ZNF532: variants seen among roughly 807,000 people sequenced by gnomAD.
The protein encoded by ZNF532 is zinc finger protein 532.
In ZNF532, 22 loss-of-function variants were observed where a neutral mutation model predicts 89.3. The ratio of observed to expected loss-of-function variants is 0.25; its 90% CI spans 0.18 to 0.35. The LOEUF (loss-of-function observed/expected upper bound fraction) is 0.35, where lower values mean the gene tolerates loss of function less well. Ranked by LOEUF, ZNF532 falls within the 10% of genes least tolerant of loss-of-function variation. ZNF532 has a pLI of 1.00. For missense variants in ZNF532, 1,132 were observed against 1,643.4 expected (o/e 0.69, Z 5.38); for synonymous variants, 606 against 649.6 (o/e 0.93, Z 1.02).
chr18:58,946,557 G>A (rs140762707), intron 5 of ZNF532, among the ~76,000 whole-genome samples: 1 of 152,242 alleles, frequency 6.6e-6, no homozygotes, highest in African/African-American at 2.4e-5. Flanking sequence ...ACAGGCATGA[G>A]CCACCATGCT....
intron 2 of ZNF532, among the ~76,000 whole-genome samples, chr18:58,867,647 A>C (rs1039680609): frequency 1.3e-5 from 2 of 152,212 alleles, no homozygotes; most frequent in Non-Finnish European, 2.9e-5. Flanking sequence ...CCTGGTCGGC[A>C]GTGCCTGTAG....
Position 58,919,623 on chromosome 18 carries a change from A to T in ZNF532, c.1336A>T (p.Lys446Ter). Residue 446 changes from lysine to a stop codon, truncating the protein, a stop_gained, in exon 3 of 10, where the codon AAG becomes TAG. Coordinates refer to ENST00000591808, the MANE Select transcript of ZNF532 (RefSeq NM_001375912.1). LOFTEE classifies it high-confidence loss of function. This position sits in a 1 kb window ranked among gnomAD's most constrained non-coding sequence, Gnocchi z 6.1. Reference sequence around the variant, plus strand: ...GCTCACCCCCAAACAGGTCACAATCAAGCCTGTGGCTACTGCTTTCCTCCC... The same window carrying T: ...GCTCACCCCCAAACAGGTCACAATCTAGCCTGTGGCTACTGCTTTCCTCCC... Reference protein sequence around the residue: ...AELTPKQVTIKPVATAFLPVS... With the variant: ...AELTPKQVTI The T allele has an allele frequency of 1.2e-6, 2 of 1,614,132 alleles. No homozygotes were observed. Among genetic ancestry groups the T allele is most frequent in the Non-Finnish European group, 1.7e-6 (2 of 1,180,036 alleles).
At chr18:58,888,711 A>AT (rs1395517471) in intron 2 of ZNF532, among the ~76,000 whole-genome samples, 331 of 12,750 alleles carry the variant, frequency 0.026, 33 homozygotes, top group Middle Eastern at 0.05. Flanking sequence ...ATATATATAT[A>AT]TATATATATA....
chr18:58,939,689 C>A, intron 5 of ZNF532, 68 bp downstream of exon 5: 9 of 1,439,890 alleles, frequency 6.3e-6, no homozygotes, highest in Non-Finnish European at 8.5e-6. Context: ...AGGTAGTAGT[C>A]GTTCTATTGA....
intron 7 of ZNF532, among the ~76,000 whole-genome samples, chr18:58,976,855 G>C (rs2067115877): frequency 1.3e-5 from 2 of 152,298 alleles, no homozygotes; most frequent in African/African-American, 4.8e-5. Flanking sequence ...AAAAGCATTA[G>C]ATACTAGATT....
intron 2 of ZNF532, among the ~76,000 whole-genome samples, chr18:58,868,440 C>T (rs749204103): frequency 1.8e-4 from 27 of 152,144 alleles, no homozygotes; most frequent in Non-Finnish European, 3.7e-4. Context: ...CAGAACAGGC[C>T]CATCACACCA....
chr18:58,940,900 AG>A (rs2062929470), intron 5 of ZNF532, among the ~76,000 whole-genome samples: 1 of 135,972 alleles, frequency 7.4e-6, no homozygotes, highest in South Asian at 2.3e-4. Context: ...ATTAGGGGGA[AG>A]ATACACAGCT....
intron 2 of ZNF532, among the ~76,000 whole-genome samples, chr18:58,880,763 C>CTGTGTGTGTGTGTATGTGTGTGTGTGT (rs770638520): frequency 8.4e-6 from 1 of 119,624 alleles, no homozygotes; most frequent in Non-Finnish European, 1.6e-5. Flanking sequence ...CGCGCGCGCA[C>CTGTGTGTGTGTGTATGTGTGTGTGTGT]GCGCGCGCGT....
chr18:58,873,642 C>T (rs1298510143), intron 2 of ZNF532, among the ~76,000 whole-genome samples: 4 of 151,942 alleles, frequency 2.6e-5, no homozygotes, highest in African/African-American at 4.8e-5. Context: ...TTAGTAGAGA[C>T]GGGGTAACAC....
At chr18:58,870,072 GTTTT>G (rs764095848) in intron 2 of ZNF532, among the ~76,000 whole-genome samples, 299 of 112,758 alleles carry the variant, frequency 2.7e-3, no homozygotes, top group Middle Eastern at 0.01. Flanking sequence ...AGCCCAGGTT[GTTTT>G]TTTTTTTTTT....
intron 5 of ZNF532, among the ~76,000 whole-genome samples, chr18:58,942,880 T>C (rs2063321200): frequency 6.6e-6 from 1 of 152,366 alleles, no homozygotes; most frequent in East Asian, 1.9e-4. Flanking sequence ...TGCATTACTT[T>C]TTTAAATGAT....
intron 2 of ZNF532, among the ~76,000 whole-genome samples, chr18:58,890,539 G>A (rs990454799): frequency 6.7e-6 from 1 of 149,686 alleles, no homozygotes; most frequent in Non-Finnish European, 1.5e-5. Flanking sequence ...CAATGACCCC[G>A]CATTGCTCTG....
At chr18:58,898,656 G>A (rs2059400651) in intron 2 of ZNF532, among the ~76,000 whole-genome samples, 1 of 152,108 alleles carries the variant, frequency 6.6e-6, no homozygotes, top group South Asian at 2.1e-4. Context: ...GGCAGCTCAA[G>A]CTTCCCAGGA....
chr18:58,981,748 C>G, intron 9 of ZNF532, 131 bp downstream of exon 9: 1 of 1,199,096 alleles, frequency 8.3e-7, no homozygotes, highest in Admixed American at 2.2e-5. Context: ...TGCGGTGGCT[C>G]ATGCCCACCA....
Position 58,883,322 on chromosome 18 carries a change from CTG to C in ZNF532, c.-18+17747_-18+17748del, listed in dbSNP as rs2058060296. On this transcript the variant is annotated intron_variant, in intron 2 of 9. Coordinates refer to ENST00000591808, the MANE Select transcript of ZNF532 (RefSeq NM_001375912.1). Reference sequence around the variant, plus strand: ...CAGACATATTTTTTAGATAAAAGGACTGTGTTTCAGAATTCCAAAAGTGTTTT... The same window carrying C: ...CAGACATATTTTTTAGATAAAAGGACTGTTTCAGAATTCCAAAAGTGTTTT... Among the ~76,000 whole-genome samples the C allele has an allele frequency of 4.6e-5, 7 of 152,172 alleles. No individual in the cohort carries two copies. In the South Asian group the frequency reaches 1.5e-3, roughly 32 times the overall value.
At chr18:58,981,441 G>A (rs921295889) in intron 8 of ZNF532, 29 bp from the exon 9 acceptor site, 2 of 1,603,038 alleles carry the variant, frequency 1.2e-6, no homozygotes, top group Non-Finnish European at 1.7e-6. Flanking sequence ...GTCAGCAAGT[G>A]CGTTATCTCC....
At chr18:58,966,738 GTTTT>G (rs540133909) in intron 7 of ZNF532, among the ~76,000 whole-genome samples, 5 of 126,010 alleles carry the variant, frequency 4.0e-5, no homozygotes, top group South Asian at 5.7e-4. Context: ...ATTTTTTTGT[GTTTT>G]TTTTTTTTTT....
At chr18:58,869,338 C>G (rs897382808) in intron 2 of ZNF532, among the ~76,000 whole-genome samples, 2 of 152,180 alleles carry the variant, frequency 1.3e-5, no homozygotes, top group Non-Finnish European at 2.9e-5. Context: ...TAATAGAACA[C>G]TCTCTAATGG....
intron 7 of ZNF532, among the ~76,000 whole-genome samples, chr18:58,959,407 G>T (rs1405958710): frequency 6.6e-6 from 1 of 151,770 alleles, no homozygotes; most frequent in Non-Finnish European, 1.5e-5. Flanking sequence ...CTACAGGTGT[G>T]TACCACCACA....
Sources: allele counts gnomAD v4.1 joint callset (sites outside exome capture counted in the v4.1 genomes callset), GRCh38; gene constraint gnomAD v4.1.1; non-coding constraint Gnocchi (gnomAD v3.1); transcripts MANE v1.5; gene names NCBI Gene and HGNC (gene_info 2026-07-23, HGNC 2026-07-21).